Variants in KREMEN1 observed in about 807,000 individuals in gnomAD.
The protein encoded by KREMEN1 is kremen protein 1.
KREMEN1 carries 30 observed loss-of-function variants against 46.5 expected under a neutral mutation model. The observed-to-expected ratio is 0.65, with a 90% CI of 0.48 to 0.88. The LOEUF (loss-of-function observed/expected upper bound fraction) is 0.88, where lower values mean the gene tolerates loss of function less well. Ranked by LOEUF, KREMEN1 falls within the 40% of genes least tolerant of loss-of-function variation. The pLI is 0.00. For missense variants in KREMEN1, 533 were observed against 596.9 expected, an observed-to-expected ratio of 0.89 and a Z score of 1.11; for synonymous variants, 214 against 230.6, an observed-to-expected ratio of 0.93 and a Z score of 0.65.
chr22:29,095,144 C>T (rs1256054720), intron 2 of KREMEN1, among the ~76,000 whole-genome samples: 2 of 152,188 alleles, frequency 1.3e-5, no homozygotes, highest in African/African-American at 2.4e-5. Context: ...GCAAAGGAAG[C>T]TGCCTACATT....
Position 29,143,565 on chromosome 22 carries a change from A to G in KREMEN1, c.*1453A>G. 1 of 720,780 alleles carries G rather than the reference A, an allele frequency of 1.4e-6. No homozygotes were observed. Among genetic ancestry groups the G allele is most frequent in the Non-Finnish European group, 1.7e-6 (1 of 588,236 alleles). The allele number at this position is 720,780 out of a possible 1,614,324, so 44.6% of individuals were successfully genotyped here. On this transcript the variant is annotated 3_prime_UTR_variant, in exon 9 of 9. Coordinates refer to ENST00000400335, the MANE Select transcript of KREMEN1 (RefSeq NM_001039570.3). Reference sequence around the variant, plus strand: ...AAACCATCCTGGCTAAGATGGTGAAACCCCGTCTCTACTAAAAATACAAAA... The same window carrying G: ...AAACCATCCTGGCTAAGATGGTGAAGCCCCGTCTCTACTAAAAATACAAAA...
intron 3 of KREMEN1, among the ~76,000 whole-genome samples, chr22:29,117,932 A>T (rs542025393): frequency 6.6e-6 from 1 of 152,324 alleles, no homozygotes; most frequent in African/African-American, 2.4e-5. Context: ...ACACACATTC[A>T]TTATCTCATG....
Position 29,139,653 on chromosome 22 carries a change from G to A in KREMEN1, c.1124-629G>A, listed in dbSNP as rs117063714. 7.0e-3 allele frequency among the ~76,000 whole-genome samples: 1,071 copies of A among 152,134 alleles called. 8 individuals carry two copies. The highest frequency in any genetic ancestry group is 0.012 in the Non-Finnish European group (819 of 67,986). On this transcript the variant is annotated intron_variant, in intron 7 of 8. Coordinates refer to ENST00000400335, the MANE Select transcript of KREMEN1 (RefSeq NM_001039570.3). The stretch of plus-strand genomic sequence containing the variant: ...CTGGGCGTAGTGGCACATGCCTATA[G>A]TCTCAGCTACTCGGGAGGCTGAGGC...
chr22:29,144,654 G>A lies in KREMEN1; in HGVS notation c.*2542G>A. On this transcript the variant is annotated 3_prime_UTR_variant, in exon 9 of 9. Coordinates refer to ENST00000400335, the MANE Select transcript of KREMEN1 (RefSeq NM_001039570.3). The stretch of plus-strand genomic sequence containing the variant: ...GTGTCGTCCCAACGGGTCCTGTGCT[G>A]TGAATAGATCCATGTGCAGCACAAA... 1.0e-6 allele frequency: 1 copy of A among 985,524 alleles called. No individual in the cohort carries two copies. The highest frequency in any genetic ancestry group is 1.2e-6 in the Non-Finnish European group (1 of 829,972). The allele number at this position is 985,524 out of a possible 1,614,324, so 61.0% of individuals were successfully genotyped here. A position where few individuals can be genotyped will look rare whatever the true frequency, so the allele number is the denominator to read the frequency against.
intron 9 of KREMEN1, among the ~76,000 whole-genome samples, chr22:29,166,100 C>G (rs1414625342): frequency 6.6e-6 from 1 of 152,206 alleles, no homozygotes; most frequent in Non-Finnish European, 1.5e-5. Context: ...CAGGTACAAG[C>G]ACACAAGTAC....
rs772817911 is a variant in KREMEN1 at position 29,137,335 on chromosome 22, C to A, written c.632-7C>A. The A allele has an allele frequency of 6.8e-7, 1 of 1,469,682 alleles. No individual in the cohort carries two copies. The highest frequency in any genetic ancestry group is 1.5e-5 in the South Asian group (1 of 65,772). The allele number at this position is 1,469,682 out of a possible 1,614,324, so 91.0% of individuals were successfully genotyped here. Reference sequence around the variant, plus strand: ...CTGAGGGCGTGGTGTCTTTTTCTCTCCTACAGCTCTCGTGGGCGCCTGCGG... The same window carrying A: ...CTGAGGGCGTGGTGTCTTTTTCTCTACTACAGCTCTCGTGGGCGCCTGCGG... On this transcript the variant is annotated splice_polypyrimidine_tract_variant and splice_region_variant and intron_variant, in intron 5 of 8. Transcript: ENST00000400335.
In KREMEN1 at chr22:29,143,755, A is replaced by T. The variant is rs2038808359; in HGVS notation, c.*1643A>T. 6.1e-6 allele frequency: 6 copies of T among 985,198 alleles called. No homozygotes were observed. Among genetic ancestry groups the T allele is most frequent in the Non-Finnish European group, 7.2e-6 (6 of 830,156 alleles). 61.0% of individuals were successfully genotyped at this position (985,198 alleles called of 1,614,324 possible). A position where few individuals can be genotyped will look rare whatever the true frequency, so the allele number is the denominator to read the frequency against. ...AGACTCTGTCTCAAAAAAAAAAAAA[A>T]CACTCCAAGGGCCATCCGTGCTCTC... On this transcript the variant is annotated 3_prime_UTR_variant, in exon 9 of 9. Coordinates refer to ENST00000400335, the MANE Select transcript of KREMEN1 (RefSeq NM_001039570.3).
Position 29,145,816 on chromosome 22 carries a change from G to A in KREMEN1, c.*3704G>A, listed in dbSNP as rs2038850252. ...TCTGGCTCAAGACTCCAATCGGCCA[G>A]AAGCCCACAGAGATCAAAGCACTAG... On this transcript the variant is annotated 3_prime_UTR_variant, in exon 9 of 9. Coordinates refer to ENST00000400335, the MANE Select transcript of KREMEN1 (RefSeq NM_001039570.3). The A allele has an allele frequency of 1.0e-6, 1 of 985,404 alleles. No homozygotes were observed. Among genetic ancestry groups the A allele is most frequent in the Non-Finnish European group, 1.2e-6 (1 of 829,968 alleles). 61.0% of individuals were successfully genotyped at this position (985,404 alleles called of 1,614,324 possible). A position where few individuals can be genotyped will look rare whatever the true frequency, so the allele number is the denominator to read the frequency against.
intron 2 of KREMEN1, among the ~76,000 whole-genome samples, chr22:29,094,997 C>T (rs2037863434): frequency 6.6e-6 from 1 of 152,188 alleles, no homozygotes; most frequent in South Asian, 2.1e-4. Flanking sequence ...CTGATCACTT[C>T]CTTGTCTCTT....
At chr22:29,119,776 A>G (rs2038300790) in intron 3 of KREMEN1, among the ~76,000 whole-genome samples, 2 of 152,246 alleles carry the variant, frequency 1.3e-5, no homozygotes, top group Admixed American at 6.5e-5. Context: ...GTGAAACACT[A>G]ATATGCTCAG....
chr22:29,137,841 T>G (rs1164802029), intron 6 of KREMEN1, among the ~76,000 whole-genome samples, 167 bp downstream of exon 6: 1 of 152,188 alleles, frequency 6.6e-6, no homozygotes, highest in Non-Finnish European at 1.5e-5. Flanking sequence ...CTACCCCCAT[T>G]TCATAACTCA....
chr22:29,157,097 C>T (rs1331174172), intron 9 of KREMEN1, among the ~76,000 whole-genome samples: 2 of 151,628 alleles, frequency 1.3e-5, no homozygotes, highest in Non-Finnish European at 2.9e-5. Flanking sequence ...TATTGGAAAA[C>T]TCTTTCCAGA....
chr22:29,085,970 CAA>C (rs134633), intron 1 of KREMEN1, among the ~76,000 whole-genome samples: 1 of 140,956 alleles, frequency 7.1e-6, no homozygotes, highest in Admixed American at 7.1e-5. Context: ...TACCCTGTCT[CAA>C]AAAAAAAAAG....
At chr22:29,139,042 C>T (rs1407566180) in intron 7 of KREMEN1, among the ~76,000 whole-genome samples, 1 of 152,208 alleles carries the variant, frequency 6.6e-6, no homozygotes, top group African/African-American at 2.4e-5. Flanking sequence ...ATCAGCTAAT[C>T]CCGTATTTTC....
At position 29,145,633 on chromosome 22, in the gene KREMEN1, C is replaced by G. The variant is rs2038846371; in HGVS notation, c.*3521C>G. 2 of 985,444 alleles carry G rather than the reference C, an allele frequency of 2.0e-6. No individual in the cohort carries two copies. 61.0% of individuals were successfully genotyped at this position (985,444 alleles called of 1,614,324 possible). On this transcript the variant is annotated 3_prime_UTR_variant, in exon 9 of 9. Transcript: ENST00000400335. ...AGGCAGGCGGGAGGCACACGGTGCC[C>G]TGTTCTTCCCCGTTTGTCCAGTTGC... is the stretch of plus-strand genomic sequence containing the variant.
At chr22:29,121,601 A>G (rs1432014311) in intron 4 of KREMEN1, 120 bp downstream of exon 4, 49 of 1,095,512 alleles carry the variant, frequency 4.5e-5, no homozygotes, top group Non-Finnish European at 6.0e-5. Context: ...CACATATTGT[A>G]TGATTCCACT....
rs527834197 is a variant in KREMEN1 at position 29,145,616 on chromosome 22, G to A, written c.*3504G>A. 119 of 985,556 alleles carry A rather than the reference G, an allele frequency of 1.2e-4. 1 individual carries two copies. In the South Asian group the frequency reaches 4.3e-3, roughly 36 times the overall value. 61.1% of individuals were successfully genotyped at this position (985,556 alleles called of 1,614,324 possible). A position where few individuals can be genotyped will look rare whatever the true frequency, so the allele number is the denominator to read the frequency against. ...CCTTGGCCCTTCTGAGAAGGCAGGC[G>A]GGAGGCACACGGTGCCCTGTTCTTC... is the stretch of plus-strand genomic sequence containing the variant. On this transcript the variant is annotated 3_prime_UTR_variant, in exon 9 of 9. Coordinates refer to ENST00000400335, the MANE Select transcript of KREMEN1 (RefSeq NM_001039570.3).
At chr22:29,125,171 A>T in intron 4 of KREMEN1, 92 bp from the exon 5 acceptor site, 2 of 1,471,248 alleles carry the variant, frequency 1.4e-6, no homozygotes, top group Admixed American at 1.8e-5. Context: ...GTTGAGGCTG[A>T]TTGCTTGCTG....
intron 1 of KREMEN1, among the ~76,000 whole-genome samples, chr22:29,090,960 CAT>C (rs1472368129): frequency 1.4e-5 from 2 of 140,482 alleles, no homozygotes; most frequent in Admixed American, 7.1e-5. Flanking sequence ...TGAGGACTGT[CAT>C]GTGTGTGCAT....
Sources: gnomAD v4.1 joint callset for allele counts (sites outside exome capture counted in the v4.1 genomes callset) on GRCh38, gnomAD v4.1.1 for gene constraint, MANE v1.5 for transcripts, NCBI Gene and HGNC (gene_info 2026-07-23, HGNC 2026-07-21) for gene names.